Variants in MTUS1 observed in about 807,000 individuals in gnomAD.
The protein encoded by MTUS1 is microtubule-associated tumor suppressor 1.
In MTUS1, 109 loss-of-function variants were observed where a neutral mutation model predicts 120.8. The ratio of observed to expected loss-of-function variants is 0.90; its 90% CI spans 0.77 to 1.06. The LOEUF (loss-of-function observed/expected upper bound fraction) is 1.06. MTUS1 is among the 50% of genes least tolerant of loss of function. The probability of loss-of-function intolerance (pLI) is 0.00; values close to 1 mark genes in which losing one functional copy is unlikely to be tolerated. For missense variants in MTUS1, 2,210 were observed against 1,486.3 expected, an observed-to-expected ratio of 1.49 and a Z score of -8.01; for synonymous variants, 737 against 550.5, an observed-to-expected ratio of 1.34 and a Z score of -4.74.
intron 1 of MTUS1, among the ~76,000 whole-genome samples, chr8:17,779,589 T>G (rs1250592364): frequency 1.3e-5 from 2 of 152,166 alleles, no homozygotes; most frequent in African/African-American, 4.8e-5. Context: ...ACTCTCTCTC[T>G]CACCAAAAAT....
chr8:17,687,011 A>G (rs1287518598), intron 6 of MTUS1, among the ~76,000 whole-genome samples: 1 of 152,204 alleles, frequency 6.6e-6, no homozygotes, highest in Non-Finnish European at 1.5e-5. Flanking sequence ...GTCTATGCAG[A>G]ATTTTTCCTT....
chr8:17,662,663 T>C (rs1322825605), intron 8 of MTUS1, among the ~76,000 whole-genome samples: 1 of 152,054 alleles, frequency 6.6e-6, no homozygotes, highest in Non-Finnish European at 1.5e-5. Context: ...CTCTGTTGTT[T>C]TAATCATTCC....
chr8:17,780,290 G>C (rs2131516820), intron 1 of MTUS1, among the ~76,000 whole-genome samples: 1 of 152,302 alleles, frequency 6.6e-6, no homozygotes, highest in East Asian at 1.9e-4. Flanking sequence ...ATTGGAAGCT[G>C]CCTGCGGCCT....
At chr8:17,744,196 C>A (rs1364175003) in intron 2 of MTUS1, among the ~76,000 whole-genome samples, 1 of 152,186 alleles carries the variant, frequency 6.6e-6, no homozygotes, top group Admixed American at 6.5e-5. Context: ...GGCAAATTTA[C>A]ATTCTGTAGA....
chr8:17,721,795 T>C (rs2045864750), intron 4 of MTUS1: 1 of 1,614,032 alleles, frequency 6.2e-7, no homozygotes, highest in Non-Finnish European at 8.5e-7. Flanking sequence ...TAAGGTAGCA[T>C]CATAGTGCCT....
At chr8:17,659,411 T>G (rs1307661396) in intron 8 of MTUS1, among the ~76,000 whole-genome samples, 1 of 152,160 alleles carries the variant, frequency 6.6e-6, no homozygotes, top group Non-Finnish European at 1.5e-5. Flanking sequence ...AAAACTGTGA[T>G]GAGGGCTGGG....
chr8:17,655,281 G>A (rs1436339538), intron 9 of MTUS1, among the ~76,000 whole-genome samples: 2 of 113,830 alleles, frequency 1.8e-5, no homozygotes, highest in African/African-American at 5.5e-5. Flanking sequence ...TTAAACAGAT[G>A]CCACTAAAAA....
rs780228362 is a variant in MTUS1, at chr8:17,755,471, T to G, written c.337A>C (p.Lys113Gln). 25 of 1,614,112 alleles carry G rather than the reference T, an allele frequency of 1.5e-5. No homozygotes were observed. Among genetic ancestry groups the G allele is most frequent in the Non-Finnish European group, 2.1e-5 (25 of 1,180,040 alleles). The change falls in exon 2 of 15, where the codon AAG (lysine) becomes CAG (glutamine). Residue 113 changes from lysine (K) to glutamine (Q), a missense_variant. By Grantham distance (53) the Lys-to-Gln change is moderately conservative. Transcript: ENST00000693296. ...CQCPALVGTEKPKYLQHSCHS... is the reference protein window; with the variant it reads ...CQCPALVGTEQPKYLQHSCHS... ...CAACTGTGTTGCAGATATTTGGGCTTCTCAGTACCTACAAGTGCAGGACAC... is the reference window on the plus strand; with the variant it reads ...CAACTGTGTTGCAGATATTTGGGCTGCTCAGTACCTACAAGTGCAGGACAC...
At position 17,755,536 on chromosome 8, in the gene MTUS1, C is replaced by G. The variant is rs61742544; in HGVS notation, c.272G>C (p.Ser91Thr). The G allele has an allele frequency of 4.1e-4, 655 of 1,614,188 alleles. 2 individuals carry two copies. The African/African-American group carries it at 7.9e-3, about 19-fold the overall frequency. The change falls in exon 2 of 15, where the codon AGT becomes ACT. Residue 91 changes from serine to threonine, a missense_variant. Physicochemically the swap from Ser to Thr is moderately conservative, Grantham distance 58 (BLOSUM62 1). Transcript: ENST00000693296. ...TTTATGCATATCTAACACCTGCTTA[C>G]TAATGAAATCACTAGAAGACTTTTC... is the stretch of plus-strand genomic sequence containing the variant. ...GHEKSSSDFISKQVLDMHKDS... is the reference protein window; with the variant it reads ...GHEKSSSDFITKQVLDMHKDS...
intron 3 of MTUS1, among the ~76,000 whole-genome samples, chr8:17,731,285 C>T (rs187702414): frequency 1.3e-5 from 2 of 152,254 alleles, no homozygotes; most frequent in East Asian, 1.9e-4. Flanking sequence ...TCAAACCCGG[C>T]GCCACCTCAC....
rs796571613 is a variant in MTUS1, at chr8:17,767,709, A to AACAAAAAACAAAAAAC, written c.-154-11749_-154-11748insGTTTTTTGTTTTTTGT. Among the ~76,000 whole-genome samples the AACAAAAAACAAAAAAC allele has an allele frequency of 9.7e-3, 1,467 of 150,694 alleles. 51 individuals carry two copies. The highest frequency in any genetic ancestry group is 0.034 in the African/African-American group (1,388 of 40,904). ...GCAAGACCCTGTCTCTTAAAAAAAA[A>AACAAAAAACAAAAAAC]AAAAAAAAACGGTGTGAAAGAGACT... On this transcript the variant is annotated intron_variant, in intron 1 of 14. Transcript: ENST00000693296.
rs1331079089 is a variant in MTUS1 at position 17,715,784 on chromosome 8, A to G, written c.2567T>C (p.Met856Thr). The stretch of plus-strand genomic sequence containing the variant: ...GACTGTACCTTTTGGAGGAGTTTTC[A>G]TCAAGTGAACATGAGCCCTGGATAC... ...PLVSRAHVHLMKTPPKGPSRK... is the reference protein window; with the variant it reads ...PLVSRAHVHLTKTPPKGPSRK... The change falls in exon 5 of 15, where the codon ATG (methionine) becomes ACG (threonine). Residue 856 changes from methionine to threonine, a missense_variant. Met to Thr is a moderately conservative substitution (Grantham distance 81, BLOSUM62 -1). Coordinates refer to ENST00000693296, the MANE Select transcript of MTUS1 (RefSeq NM_001363059.2). 8.1e-6 allele frequency: 13 copies of G among 1,612,930 alleles called. No individual in the cohort carries two copies. The highest frequency in any genetic ancestry group is 9.3e-6 in the Non-Finnish European group (11 of 1,179,778).
chr8:17,724,898 C>T (rs1035791396), intron 3 of MTUS1, among the ~76,000 whole-genome samples: 1 of 152,146 alleles, frequency 6.6e-6, no homozygotes, highest in African/African-American at 2.4e-5. Flanking sequence ...CTTAGACCGA[C>T]ATGCTCCTGT....
chr8:17,764,723 T>C (rs1443994001), intron 1 of MTUS1, among the ~76,000 whole-genome samples: 1 of 152,212 alleles, frequency 6.6e-6, no homozygotes, highest in Admixed American at 6.5e-5. Flanking sequence ...CAAGCGCAAC[T>C]GCATCCCAGT....
intron 1 of MTUS1, among the ~76,000 whole-genome samples, chr8:17,785,800 C>A (rs1189518963): frequency 6.6e-6 from 1 of 152,008 alleles, no homozygotes; most frequent in Non-Finnish European, 1.5e-5. Context: ...AGCAACAGAC[C>A]AGGAGAGAAA....
intron 1 of MTUS1, among the ~76,000 whole-genome samples, chr8:17,759,057 AT>A (rs1469134820): frequency 6.7e-6 from 1 of 149,714 alleles, no homozygotes; most frequent in Non-Finnish European, 1.5e-5. Flanking sequence ...CATTTTCTGT[AT>A]TTTTAGTAGA....
chr8:17,783,029 G>A (rs543420456), intron 1 of MTUS1, among the ~76,000 whole-genome samples: 1 of 152,316 alleles, frequency 6.6e-6, no homozygotes, highest in African/African-American at 2.4e-5. Context: ...AGTGAGCCAA[G>A]ATCGTGCCAT....
At chr8:17,699,570 C>A (rs7013876) in intron 6 of MTUS1, among the ~76,000 whole-genome samples, 1 of 151,880 alleles carries the variant, frequency 6.6e-6, no homozygotes, top group African/African-American at 2.4e-5. Flanking sequence ...AAGAAATTAC[C>A]ATCTAATCAT....
chr8:17,720,129 G>T (rs771098479), intron 4 of MTUS1, among the ~76,000 whole-genome samples: 2 of 152,156 alleles, frequency 1.3e-5, no homozygotes, highest in African/African-American at 4.8e-5. Flanking sequence ...CATATCACTT[G>T]TGGTTAGGAG....
Sources: allele counts gnomAD v4.1 joint callset (sites outside exome capture counted in the v4.1 genomes callset), GRCh38; gene constraint gnomAD v4.1.1; transcripts MANE v1.5; gene names NCBI Gene and HGNC (gene_info 2026-07-23, HGNC 2026-07-21).